VPS13C: variants seen among roughly 807,000 people sequenced by gnomAD.
VPS13C encodes vacuolar protein sorting 13 homolog C.
A neutral mutation model predicts 456.8 loss-of-function variants in VPS13C; 358 were observed. The observed-to-expected ratio is 0.78, with a 90% CI of 0.72 to 0.86. VPS13C has a LOEUF of 0.86. Among genes scored for constraint, VPS13C ranks in the 40% least tolerant of loss-of-function variants. The pLI, the probability that VPS13C is intolerant of heterozygous loss-of-function variation, is 0.00. For synonymous variants in VPS13C, 1,578 were observed against 1,486.7 expected, an observed-to-expected ratio of 1.06 and a Z score of -1.41; for missense variants, 4,818 against 4,385.4, an observed-to-expected ratio of 1.10 and a Z score of -2.79.
chr15:61,921,804 T>A, intron 55 of VPS13C, 143 bp downstream of exon 55: 2 of 685,132 alleles, frequency 2.9e-6, no homozygotes, highest in Non-Finnish European at 4.8e-6. Context: ...AAATGACATA[T>A]GAAAAGAGTT....
intron 1 of VPS13C, among the ~76,000 whole-genome samples, chr15:62,059,945 G>A (rs550031998): frequency 6.6e-6 from 1 of 152,214 alleles, no homozygotes; most frequent in African/African-American, 2.4e-5. Context: ...TTTTTATGCT[G>A]TAGGGCCAAA....
intron 1 of VPS13C, among the ~76,000 whole-genome samples, chr15:62,054,569 C>T (rs1274657692): frequency 6.6e-6 from 1 of 151,968 alleles, no homozygotes; most frequent in African/African-American, 2.4e-5. Flanking sequence ...CAGGGCCTGT[C>T]AGGAGGTGGG....
chr15:61,975,204 G>A (rs1454108331), intron 24 of VPS13C, among the ~76,000 whole-genome samples: 4 of 152,000 alleles, frequency 2.6e-5, no homozygotes, highest in Non-Finnish European at 5.9e-5. Flanking sequence ...AGTGACCTCA[G>A]CTTCTACCTT....
At chr15:61,991,888 CTTT>C (rs201011173) in intron 16 of VPS13C, 86 bp from the exon 17 acceptor site, 309 of 1,083,606 alleles carry the variant, frequency 2.9e-4, no homozygotes, top group South Asian at 4.6e-4. Flanking sequence ...AACAATGGTT[CTTT>C]TTTTTTTTTT....
At chr15:62,045,659 AT>A (rs1458686889) in intron 1 of VPS13C, among the ~76,000 whole-genome samples, 1 of 152,160 alleles carries the variant, frequency 6.6e-6, no homozygotes, top group Non-Finnish European at 1.5e-5. Context: ...AGATTATGTT[AT>A]TTTAGAATCA....
rs191249600 is a variant in VPS13C, at chr15:61,958,974, T to C, written c.4057-258A>G. Among the ~76,000 whole-genome samples, 21 of 152,158 alleles carry C rather than the reference T, an allele frequency of 1.4e-4. No homozygotes were observed. In the East Asian group the frequency reaches 4.0e-3, roughly 29 times the overall value. On this transcript the variant is annotated intron_variant, in intron 36 of 84. Transcript: ENST00000644861. ...ATTGGCTCCAATGACTTGACTTATG[T>C]TTATTGAAAGTTAATTATGATCAAA...
chr15:62,018,946 T>G (rs1373689141), intron 9 of VPS13C, among the ~76,000 whole-genome samples: 5 of 152,196 alleles, frequency 3.3e-5, no homozygotes, highest in Admixed American at 6.5e-5. Context: ...AAGCTATTAA[T>G]TATTGCCTCA....
chr15:61,973,397 C>G (rs1360288911), intron 26 of VPS13C, 57 bp downstream of exon 26: 2 of 1,401,594 alleles, frequency 1.4e-6, no homozygotes, highest in Non-Finnish European at 2.0e-6. Flanking sequence ...AATGTTATCT[C>G]TGTATAACAA....
chr15:62,037,221 TAATATATTATATATA>T (rs2048034899), intron 3 of VPS13C, among the ~76,000 whole-genome samples: 1 of 89,016 alleles, frequency 1.1e-5, no homozygotes, highest in South Asian at 2.7e-4. Context: ...ATATATTATA[TAATATATTATATATA>T]AATATATATA....
intron 17 of VPS13C, 27 bp from the exon 18 acceptor site, chr15:61,991,121 T>G: frequency 6.7e-7 from 1 of 1,492,286 alleles, no homozygotes; most frequent in Non-Finnish European, 9.2e-7. Context: ...TTTTAAGAAA[T>G]TAATTGCTTC....
chr15:61,937,929 G>A (rs1167703598), intron 47 of VPS13C, among the ~76,000 whole-genome samples: 4 of 152,212 alleles, frequency 2.6e-5, no homozygotes. Context: ...GGCTCCAAAG[G>A]CCTGTTTCAA....
chr15:61,974,922 A>T (rs2045659208), intron 24 of VPS13C, among the ~76,000 whole-genome samples: 1 of 152,118 alleles, frequency 6.6e-6, no homozygotes, highest in African/African-American at 2.4e-5. Flanking sequence ...TGCTTTTATC[A>T]GTTGCTTACT....
At chr15:61,869,706 C>A (rs930731885) in intron 79 of VPS13C, 83 bp from the exon 80 acceptor site, 17 of 1,581,324 alleles carry the variant, frequency 1.1e-5, no homozygotes, top group African/African-American at 6.8e-5. Flanking sequence ...GGGCCAGATA[C>A]TGAACTGTTT....
Position 62,023,431 on chromosome 15 carries a change from G to T in VPS13C, c.604C>A (p.His202Asn), listed in dbSNP as rs1366879323. The T allele has an allele frequency of 2.6e-6, 4 of 1,543,682 alleles. No homozygotes were observed. In the African/African-American group the frequency reaches 4.2e-5, roughly 16 times the overall value. ...CTTACATCATCTTCATATTTAATGT[G>T]AATATCTGTGATTTTTACTTGTACA... Reference protein sequence around the residue: ...KNVQVKITDIHIKYEDDVTDP... With the variant: ...KNVQVKITDINIKYEDDVTDP... Residue 202 changes from histidine (H) to asparagine (N), a missense_variant, in exon 8 of 85, where the codon CAC becomes AAC. By Grantham distance (68) the His-to-Asn change is moderately conservative. Transcript: ENST00000644861.
chr15:61,920,347 T>A lies in VPS13C; in HGVS notation c.7213-16A>T, dbSNP rs769732553. The stretch of plus-strand genomic sequence containing the variant: ...CTGAAAAACCCTGAAAAGGAACATA[T>A]CATCACAGTAAAATTTTTGAAAAAC... On this transcript the variant is annotated splice_polypyrimidine_tract_variant and intron_variant, in intron 56 of 84. Coordinates refer to ENST00000644861, the MANE Select transcript of VPS13C (RefSeq NM_020821.3). The A allele has an allele frequency of 6.4e-7, 1 of 1,556,244 alleles. No individual in the cohort carries two copies. Among genetic ancestry groups the A allele is most frequent in the Middle Eastern group, 1.7e-4 (1 of 5,752 alleles).
chr15:61,898,922 T>A (rs1174113393), intron 66 of VPS13C, among the ~76,000 whole-genome samples: 106 of 101,230 alleles, frequency 1.0e-3, no homozygotes, highest in African/African-American at 3.6e-3. Flanking sequence ...CACAGTGCAA[T>A]CAAACTAGAA....
chr15:62,013,295 T>A (rs2047112667), intron 10 of VPS13C, among the ~76,000 whole-genome samples, 176 bp from the exon 11 acceptor site: 1 of 152,018 alleles, frequency 6.6e-6, no homozygotes, highest in Non-Finnish European at 1.5e-5. Context: ...ATTCAGACTT[T>A]ATTAAGTCTA....
At chr15:61,881,894 T>A in intron 69 of VPS13C, 66 bp from the exon 70 acceptor site, 1 of 1,417,330 alleles carries the variant, frequency 7.1e-7, no homozygotes, top group South Asian at 1.4e-5. Context: ...TCAAAGATAA[T>A]GTTATAGAAG....
Position 61,927,986 on chromosome 15 carries a change from G to A in VPS13C, c.6287-666C>T, listed in dbSNP as rs919151983. Among the ~76,000 whole-genome samples the A allele has an allele frequency of 2.8e-5, 4 of 144,660 alleles. No individual in the cohort carries two copies. In the Admixed American group the frequency reaches 2.9e-4, roughly 10 times the overall value. The allele number at this position is 144,660 out of a possible 152,430, so 94.9% of individuals were successfully genotyped here. A position where few individuals can be genotyped will look rare whatever the true frequency, so the allele number is the denominator to read the frequency against. ...ATGTTCTCACTCATAGGTGGGAACT[G>A]AACAATGAGAACACATGGACACAGG... On this transcript the variant is annotated intron_variant, in intron 51 of 84. Coordinates refer to ENST00000644861, the MANE Select transcript of VPS13C (RefSeq NM_020821.3).
Sources: gnomAD v4.1 joint callset for allele counts (sites outside exome capture counted in the v4.1 genomes callset) on GRCh38, gnomAD v4.1.1 for gene constraint, MANE v1.5 for transcripts, NCBI Gene and HGNC (gene_info 2026-07-23, HGNC 2026-07-21) for gene names.